The following CEP162 variants were observed in gnomAD, a reference collection of about 807,000 sequenced individuals.
CEP162 encodes the protein centrosomal protein 162.
CEP162 carries 141 observed loss-of-function variants against 169.2 expected under a neutral mutation model. The ratio of observed to expected loss-of-function variants is 0.83; its 90% confidence interval spans 0.73 to 0.96. The LOEUF is 0.96. Among genes scored for constraint, CEP162 ranks in the 40% least tolerant of loss-of-function variants. CEP162 has a pLI of 0.00. For synonymous variants in CEP162, 540 were observed against 526.4 expected, an observed-to-expected ratio of 1.03 and a Z score of -0.35; for missense variants, 1,600 against 1,587.2, an observed-to-expected ratio of 1.01 and a Z score of -0.14.
intron 22 of CEP162, among the ~76,000 whole-genome samples, chr6:84,153,872 A>G (rs1269004215): frequency 1.3e-5 from 2 of 152,130 alleles, no homozygotes; most frequent in African/African-American, 4.8e-5. Flanking sequence ...TCCCACAAGT[A>G]AAATAATGGG....
In CEP162 at chr6:84,180,069, G is replaced by C. The variant is rs142473931; in HGVS notation, c.1664-4722C>G. ...AAGAGAATTTTAGACCAATGCCCCT[G>C]ATGAACATTGATGCAAAAATCCTCA... On this transcript the variant is annotated intron_variant, in intron 13 of 26. Coordinates refer to ENST00000403245, the MANE Select transcript of CEP162 (RefSeq NM_014895.4). 9.6e-3 allele frequency among the ~76,000 whole-genome samples: 1,456 copies of C among 152,210 alleles called. 13 individuals are homozygous for C. Among genetic ancestry groups the C allele is most frequent in the Non-Finnish European group, 0.014 (972 of 68,004 alleles).
chr6:84,211,534 A>AC (rs1307084340), intron 6 of CEP162, among the ~76,000 whole-genome samples: 276 of 150,020 alleles, frequency 1.8e-3, no homozygotes, highest in African/African-American at 6.6e-3. Flanking sequence ...CTCAAAAAAA[A>AC]AAAAAAAAAA....
chr6:84,215,629 G>C, intron 4 of CEP162, 147 bp downstream of exon 4: 1 of 1,217,548 alleles, frequency 8.2e-7, no homozygotes, highest in Non-Finnish European at 1.1e-6. Context: ...AAGGTTTAAA[G>C]CTTCTCTAGA....
intron 25 of CEP162, among the ~76,000 whole-genome samples, chr6:84,139,562 C>A (rs538622074): frequency 6.6e-6 from 1 of 152,132 alleles, no homozygotes; most frequent in African/African-American, 2.4e-5. Context: ...TTCTGGGATA[C>A]CCCATCCACT....
At chr6:84,222,718 T>C (rs1288516197) in intron 2 of CEP162, among the ~76,000 whole-genome samples, 1 of 152,252 alleles carries the variant, frequency 6.6e-6, no homozygotes, top group African/African-American at 2.4e-5. Context: ...AACTAGAATA[T>C]TGTTATCTGA....
intron 25 of CEP162, among the ~76,000 whole-genome samples, chr6:84,143,591 A>G (rs1336700572): frequency 3.9e-5 from 6 of 152,140 alleles, no homozygotes; most frequent in Non-Finnish European, 2.9e-5. Context: ...AGAACGAAGA[A>G]CAAAAAAATG....
intron 5 of CEP162, among the ~76,000 whole-genome samples, chr6:84,214,140 G>A (rs1480279244): frequency 2.6e-5 from 4 of 152,142 alleles, no homozygotes; most frequent in Admixed American, 6.5e-5. Flanking sequence ...TTAGCCAGGC[G>A]TGGTGGCAGG....
intron 6 of CEP162, among the ~76,000 whole-genome samples, chr6:84,210,755 T>A (rs1257465399): frequency 6.6e-6 from 1 of 152,130 alleles, no homozygotes; most frequent in African/African-American, 2.4e-5. Flanking sequence ...TTCTCACAGT[T>A]CATACAAGAC....
At chr6:84,125,353 G>T in intron 26 of CEP162, 77 bp from the exon 27 acceptor site, 1 of 1,271,066 alleles carries the variant, frequency 7.9e-7, no homozygotes, top group Non-Finnish European at 1.1e-6. Flanking sequence ...CTTAAAGTAG[G>T]CAAACCTGGG....
At chr6:84,169,296 T>C (rs1241101298) in intron 18 of CEP162, 32 bp downstream of exon 18, 5 of 1,170,136 alleles carry the variant, frequency 4.3e-6, no homozygotes, top group Middle Eastern at 1.9e-4. Flanking sequence ...ACCTTTATTA[T>C]CCCTAATAGT....
chr6:84,151,289 A>G (rs1386958690), intron 23 of CEP162, among the ~76,000 whole-genome samples: 1 of 152,094 alleles, frequency 6.6e-6, no homozygotes, highest in African/African-American at 2.4e-5. Flanking sequence ...GTTAAAAAAA[A>G]GGAAGATTGG....
At chr6:84,151,555 G>C (rs1203853654) in intron 23 of CEP162, among the ~76,000 whole-genome samples, 1 of 152,050 alleles carries the variant, frequency 6.6e-6, no homozygotes, top group Non-Finnish European at 1.5e-5. Flanking sequence ...AAGAGAACAA[G>C]ACTTTAAAAG....
At chr6:84,192,863 G>C (rs1562066060) in intron 11 of CEP162, among the ~76,000 whole-genome samples, 1 of 152,158 alleles carries the variant, frequency 6.6e-6, no homozygotes, top group Non-Finnish European at 1.5e-5. Flanking sequence ...GATAATAATG[G>C]AGTATAACCC....
At chr6:84,197,120 T>C (rs771722724) in intron 9 of CEP162, among the ~76,000 whole-genome samples, 6 of 152,024 alleles carry the variant, frequency 3.9e-5, no homozygotes, top group Non-Finnish European at 7.4e-5. Flanking sequence ...GTAAAGACCA[T>C]AGTAGTATCA....
Position 84,149,775 on chromosome 6 carries a change from A to G in CEP162, c.3630-72T>C, listed in dbSNP as rs541871012. 5.3e-5 allele frequency: 68 copies of G among 1,289,880 alleles called. No individual in the cohort carries two copies. In the African/African-American group the frequency reaches 1.0e-3, roughly 19 times the overall value. 79.9% of individuals were successfully genotyped at this position (1,289,880 alleles called of 1,614,324 possible). A position where few individuals can be genotyped will look rare whatever the true frequency, so the allele number is the denominator to read the frequency against. On this transcript the variant is annotated intron_variant, in intron 23 of 26. Transcript: ENST00000403245. Reference sequence around the variant, plus strand: ...CCTCTAATTCAGAGTTAGCACAAAAACAGTAGAAGAAACCTGGGAATTAAG... The same window carrying G: ...CCTCTAATTCAGAGTTAGCACAAAAGCAGTAGAAGAAACCTGGGAATTAAG...
At chr6:84,209,611 G>A (rs945360005) in intron 6 of CEP162, among the ~76,000 whole-genome samples, 2 of 152,100 alleles carry the variant, frequency 1.3e-5, no homozygotes, top group African/African-American at 2.4e-5. Context: ...CTGATGTCAG[G>A]TGATCCACCC....
At chr6:84,197,478 GTAT>G (rs2099542623) in intron 9 of CEP162, among the ~76,000 whole-genome samples, 3 of 151,968 alleles carry the variant, frequency 2.0e-5, no homozygotes, top group Admixed American at 2.0e-4. Context: ...GTTATTTTAT[GTAT>G]TATTATTACA....
intron 18 of CEP162, among the ~76,000 whole-genome samples, chr6:84,163,705 C>G (rs2099526638): frequency 6.6e-6 from 1 of 151,886 alleles, no homozygotes; most frequent in South Asian, 2.1e-4. Context: ...GTGGCTCATG[C>G]CTGTAATCTC....
chr6:84,210,633 T>C (rs2099549079), intron 6 of CEP162, among the ~76,000 whole-genome samples: 2 of 152,084 alleles, frequency 1.3e-5, no homozygotes, highest in South Asian at 4.1e-4. Flanking sequence ...GGTGCCTAAG[T>C]GAAAACAAAG....
Sources: gnomAD v4.1 joint callset for allele counts (sites outside exome capture counted in the v4.1 genomes callset) on GRCh38, gnomAD v4.1.1 for gene constraint, MANE v1.5 for transcripts, NCBI Gene and HGNC (gene_info 2026-07-23, HGNC 2026-07-21) for gene names.